The following FZR1 variants were observed in gnomAD, a reference collection of about 807,000 sequenced individuals.
FZR1 encodes fizzy and cell division cycle 20 related 1, also known as fizzy-related protein homolog.
FZR1 carries 11 observed loss-of-function variants against 63.6 expected under a neutral mutation model. The ratio of observed to expected loss-of-function variants is 0.17; its 90% CI spans 0.11 to 0.29. FZR1 has a LOEUF of 0.29. Ranked by LOEUF, FZR1 falls within the 10% of genes least tolerant of loss-of-function variation. The probability of loss-of-function intolerance (pLI) is 1.00; values close to 1 mark genes in which losing one functional copy is unlikely to be tolerated. For synonymous variants in FZR1, 328 were observed against 297.9 expected (o/e 1.10, Z -1.04); for missense variants, 440 against 687.5 (o/e 0.64, Z 4.03).
In FZR1 at chr19:3,525,977, A is replaced by T. The variant is rs1225766065; in HGVS notation, c.179A>T (p.Asn60Ile). The T allele has an allele frequency of 1.2e-6, 2 of 1,612,234 alleles. No homozygotes were observed. Residue 60 changes from asparagine (N) to isoleucine (I), a missense_variant, in exon 3 of 14, where the codon AAC becomes ATC. Transcript: ENST00000441788. The surrounding 1 kb of genome is among the most constrained non-coding windows in gnomAD (Gnocchi z 4.2). ...AGAGCCGGAGCCAACTGGAGCGTGA[A>T]CTTCCACAGGATTAACGTGAGGGGC... is the stretch of plus-strand genomic sequence containing the variant. The part of the protein sequence containing the change: ...PSRAGANWSV[N>I]FHRINENEKS...
At position 3,532,077 on chromosome 19, in the gene FZR1, G is replaced by A. The variant is rs542186715; in HGVS notation, c.990G>A (p.Ser330=). ...CCACAGACCACCAGCTCCTCGCCTCGGGGGGCAACGACAACAAGGTACCCC... is the reference window on the plus strand; with the variant it reads ...CCACAGACCACCAGCTCCTCGCCTCAGGGGGCAACGACAACAAGGTACCCC... ...KWSTDHQLLA[S]GGNDNKLLVW... is the part of the protein sequence containing the mutation. The change falls in exon 10 of 14, where the codon TCG becomes TCA. Residue 330 remains serine, a synonymous_variant. Coordinates refer to ENST00000441788, the MANE Select transcript of FZR1 (RefSeq NM_016263.4). 1.7e-4 allele frequency: 250 copies of A among 1,514,856 alleles called. 3 individuals are homozygous for A. The South Asian group carries it at 1.9e-3, about 11-fold the overall frequency. The allele number at this position is 1,514,856 out of a possible 1,614,324, so 93.8% of individuals were successfully genotyped here.
intron 1 of FZR1, among the ~76,000 whole-genome samples, chr19:3,519,611 A>T (rs936939091): frequency 2.6e-5 from 4 of 152,154 alleles, no homozygotes; most frequent in African/African-American, 9.7e-5. Flanking sequence ...TGTCTGGGCA[A>T]TGCTGCCTGT....
intron 1 of FZR1, among the ~76,000 whole-genome samples, chr19:3,517,940 A>G (rs2083070801): frequency 6.7e-6 from 1 of 148,420 alleles, no homozygotes; most frequent in Non-Finnish European, 1.5e-5. Context: ...AGCTCACTGC[A>G]GCCTCCACCT....
intron 1 of FZR1, among the ~76,000 whole-genome samples, chr19:3,520,933 C>T (rs1013458547): frequency 6.6e-6 from 1 of 152,216 alleles, no homozygotes. Flanking sequence ...CCCTTCTGGT[C>T]TCCGTGAGTC....
At chr19:3,523,784 G>C (rs2083125758) in intron 2 of FZR1, among the ~76,000 whole-genome samples, 1 of 152,238 alleles carries the variant, frequency 6.6e-6, no homozygotes, top group Non-Finnish European at 1.5e-5. Flanking sequence ...CTTTGGGGAG[G>C]GGCTGTCCCA....
intron 2 of FZR1, 144 bp downstream of exon 2, chr19:3,523,202 G>A (rs1568233532): frequency 1.5e-5 from 10 of 682,990 alleles, no homozygotes; most frequent in East Asian, 2.6e-5. Flanking sequence ...CGGGGCCTCC[G>A]CCTCCTGGGC....
Position 3,533,251 on chromosome 19 carries a change from C to G in FZR1, c.1243-43C>G, listed in dbSNP as rs1270757358. On this transcript the variant is annotated intron_variant, in intron 11 of 13. Coordinates refer to ENST00000441788, the MANE Select transcript of FZR1 (RefSeq NM_016263.4). This position sits in a 1 kb window ranked among gnomAD's most constrained non-coding sequence, Gnocchi z 4.9. ...TGAGGCAGCAGGCATAGCACCCGGC[C>G]TCGTTGCCCCTCACCGACCGCAGCG... 1 of 1,227,180 alleles carries G rather than the reference C, an allele frequency of 8.1e-7. No homozygotes were observed. Among genetic ancestry groups the G allele is most frequent in the Admixed American group, 1.7e-5 (1 of 59,366 alleles). The allele number at this position is 1,227,180 out of a possible 1,614,324, so 76.0% of individuals were successfully genotyped here.
rs58358364 is a variant in FZR1, at chr19:3,525,438, T to TC, written c.70-430_70-429insC. On this transcript the variant is annotated intron_variant, in intron 2 of 13. Coordinates refer to ENST00000441788, the MANE Select transcript of FZR1 (RefSeq NM_016263.4). This position sits in a 1 kb window ranked among gnomAD's most constrained non-coding sequence, Gnocchi z 4.2. Reference sequence around the variant, plus strand: ...GCTCCCCTCCTTGGGTTTTCTTTTTTTTTTTTTTTTTTTTTTTTTTTTGAG... The same window carrying TC: ...GCTCCCCTCCTTGGGTTTTCTTTTTTCTTTTTTTTTTTTTTTTTTTTTTGAG... Among the ~76,000 whole-genome samples, 6,801 of 129,138 alleles carry TC rather than the reference T, an allele frequency of 0.053. 842 individuals carry two copies. Among genetic ancestry groups the TC allele is most frequent in the African/African-American group, 0.2 (6,370 of 32,188 alleles). The allele number at this position is 129,138 out of a possible 152,430, so 84.7% of individuals were successfully genotyped here. A position where few individuals can be genotyped will look rare whatever the true frequency, so the allele number is the denominator to read the frequency against.
chr19:3,522,357 G>A lies in FZR1; in HGVS notation c.-34-599G>A, dbSNP rs746385741. On this transcript the variant is annotated intron_variant, in intron 1 of 13. Transcript: ENST00000441788. ...CCACCCCCTTGGAGGGGCCTTCCTG[G>A]TTTGGCTGAGCCTGGTCCCATGTGG... Among the ~76,000 whole-genome samples the A allele has an allele frequency of 9.6e-4, 146 of 152,216 alleles. 4 individuals carry two copies. The highest frequency in any genetic ancestry group is 2.6e-4 in the Non-Finnish European group (18 of 68,034).
At chr19:3,528,351 C>T (rs1467923013) in intron 7 of FZR1, among the ~76,000 whole-genome samples, 3 of 152,228 alleles carry the variant, frequency 2.0e-5, no homozygotes, top group Admixed American at 6.5e-5. Flanking sequence ...TTCGGGAGAG[C>T]GAGGGTTGGC....
intron 13 of FZR1, 88 bp downstream of exon 13, chr19:3,534,601 C>T (rs2122033562): frequency 1.0e-6 from 1 of 963,944 alleles, no homozygotes; most frequent in South Asian, 1.4e-5. Context: ...GGCGTACCCT[C>T]CTCTGGGTTC....
At chr19:3,530,567 TGA>T (rs1460900639) in intron 7 of FZR1, among the ~76,000 whole-genome samples, 1 of 137,694 alleles carries the variant, frequency 7.3e-6, no homozygotes, top group Non-Finnish European at 1.6e-5. Flanking sequence ...GGAGAGTGGA[TGA>T]GAGTGGATGG....
rs755551894 is a variant in FZR1 at position 3,534,790 on chromosome 19, T to C, written c.1441-5T>C. 3.1e-6 allele frequency: 5 copies of C among 1,612,678 alleles called. No homozygotes were observed. The East Asian group carries it at 6.7e-5, about 22-fold the overall frequency. On this transcript the variant is annotated splice_region_variant and splice_polypyrimidine_tract_variant and intron_variant, in intron 13 of 13. Transcript: ENST00000441788. ...AGCGCATCTGCCATCCCCATGTGTC[T>C]GCAGGAGTCTGTGTCTGTGCTCAAC...
rs752301923 is a variant in FZR1 at position 3,534,787 on chromosome 19, G to A, written c.1441-8G>A. The A allele has an allele frequency of 1.2e-6, 2 of 1,612,532 alleles. No individual in the cohort carries two copies. Among genetic ancestry groups the A allele is most frequent in the South Asian group, 1.1e-5 (1 of 91,084 alleles). On this transcript the variant is annotated splice_region_variant and splice_polypyrimidine_tract_variant and intron_variant, in intron 13 of 13. Coordinates refer to ENST00000441788, the MANE Select transcript of FZR1 (RefSeq NM_016263.4). Reference sequence around the variant, plus strand: ...CTCAGCGCATCTGCCATCCCCATGTGTCTGCAGGAGTCTGTGTCTGTGCTC... The same window carrying A: ...CTCAGCGCATCTGCCATCCCCATGTATCTGCAGGAGTCTGTGTCTGTGCTC...
intron 10 of FZR1, 68 bp from the exon 11 acceptor site, chr19:3,532,349 C>T (rs1364880067): frequency 3.1e-6 from 4 of 1,277,752 alleles, no homozygotes; most frequent in Admixed American, 2.6e-5. Context: ...GGTCGTCACA[C>T]CTGTGAGGAC....
Position 3,534,896 on chromosome 19 carries a change from A to G in FZR1, c.*60A>G. 2 of 1,343,634 alleles carry G rather than the reference A, an allele frequency of 1.5e-6. No individual in the cohort carries two copies. Among genetic ancestry groups the G allele is most frequent in the Non-Finnish European group, 2.1e-6 (2 of 938,144 alleles). 83.2% of individuals were successfully genotyped at this position (1,343,634 alleles called of 1,614,324 possible). ...CAGAGTCGGAGGACCCCAGCTCCTC[A>G]GCTTGCATGGACTCTGCCTTCCCAG... On this transcript the variant is annotated 3_prime_UTR_variant, in exon 14 of 14. Transcript: ENST00000441788.
At chr19:3,534,554 G>C in intron 13 of FZR1, 41 bp downstream of exon 13, 1 of 1,355,252 alleles carries the variant, frequency 7.4e-7, no homozygotes, top group Non-Finnish European at 1.0e-6. Context: ...CCCCGCCCCA[G>C]CCTGTCCCAG....
chr19:3,521,732 C>T (rs550727531), intron 1 of FZR1, among the ~76,000 whole-genome samples: 20 of 152,308 alleles, frequency 1.3e-4, no homozygotes, highest in African/African-American at 4.3e-4. Flanking sequence ...AAATTCCTGA[C>T]CTCGTGATCC....
In FZR1 at chr19:3,527,033, C is replaced by T; in HGVS notation, c.441C>T (p.Pro147=). The change falls in exon 6 of 14, where the codon CCC becomes CCT. Residue 147 remains proline, a synonymous_variant. Transcript: ENST00000441788. ...SSPDDGNDVS[P]YSLSPVSNKS... ...CCGATGACGGCAACGATGTGTCTCC[C>T]TACTCCCTGTCTCCCGTCAGCAACA... The T allele has an allele frequency of 6.2e-7, 1 of 1,612,220 alleles. No homozygotes were observed. The highest frequency in any genetic ancestry group is 8.5e-7 in the Non-Finnish European group (1 of 1,179,140).
Sources: gnomAD v4.1 joint callset for allele counts (sites outside exome capture counted in the v4.1 genomes callset) on GRCh38, gnomAD v4.1.1 for gene constraint, Gnocchi (gnomAD v3.1) non-coding constraint, MANE v1.5 for transcripts, NCBI Gene and HGNC (gene_info 2026-07-23, HGNC 2026-07-21) for gene names.